The following TBC1D19 variants were observed in gnomAD, a reference collection of about 807,000 sequenced individuals.
TBC1D19 encodes TBC1 domain family member 19, also known as TBC1 domain family, member 19.
Under a neutral mutation model 89.0 loss-of-function variants are expected in TBC1D19, and 60 were observed. That is an observed-to-expected ratio of 0.67 (90% confidence interval 0.55 to 0.84). The LOEUF (loss-of-function observed/expected upper bound fraction) is 0.84, where lower values mean the gene tolerates loss of function less well. Ranked by LOEUF, TBC1D19 falls within the 40% of genes least tolerant of loss-of-function variation. TBC1D19 has a pLI of 0.00. For synonymous variants in TBC1D19, 189 were observed against 199.7 expected, an observed-to-expected ratio of 0.95 and a Z score of 0.45; for missense variants, 500 against 610.8, an observed-to-expected ratio of 0.82 and a Z score of 1.91.
At chr4:26,671,167 G>A (rs1409393378) in intron 9 of TBC1D19, among the ~76,000 whole-genome samples, 1 of 151,600 alleles carries the variant, frequency 6.6e-6, no homozygotes, top group African/African-American at 2.4e-5. Context: ...CACTAGCTTT[G>A]TATGAGAAAT....
At chr4:26,598,250 T>G (rs1416875991) in intron 1 of TBC1D19, among the ~76,000 whole-genome samples, 1 of 152,236 alleles carries the variant, frequency 6.6e-6, no homozygotes. Flanking sequence ...TATTATTTTT[T>G]AAATTATAGA....
At chr4:26,652,191 C>T (rs1402142528) in intron 7 of TBC1D19, among the ~76,000 whole-genome samples, 1 of 152,068 alleles carries the variant, frequency 6.6e-6, no homozygotes, top group Non-Finnish European at 1.5e-5. Flanking sequence ...TGTTGTGTCT[C>T]TGCCAGGCTT....
At chr4:26,779,144 C>G in the TBC1D19 span, among the ~76,000 whole-genome samples, 4 of 152,210 alleles carry the variant, frequency 2.6e-5, no homozygotes, top group East Asian at 7.7e-4. Context: ...TTCTTCATTT[C>G]TAACAAGTTC....
chr4:26,831,747 C>T, the TBC1D19 span, among the ~76,000 whole-genome samples: 80 of 151,956 alleles, frequency 5.3e-4, 1 homozygote, highest in African/African-American at 1.5e-3. Context: ...CATGCCACCA[C>T]GCCTGGCTAA....
At chr4:26,710,830 T>C (rs1158106723) in intron 13 of TBC1D19, among the ~76,000 whole-genome samples, 1 of 152,202 alleles carries the variant, frequency 6.6e-6, no homozygotes, top group African/African-American at 2.4e-5. Flanking sequence ...ATGTCTTCTT[T>C]TGAGAAGTGT....
At chr4:26,648,461 A>G (rs1482396439) in intron 7 of TBC1D19, among the ~76,000 whole-genome samples, 1 of 152,208 alleles carries the variant, frequency 6.6e-6, no homozygotes, top group African/African-American at 2.4e-5. Flanking sequence ...ACTTCCAGGT[A>G]TTTCTGGAGA....
intron 10 of TBC1D19, among the ~76,000 whole-genome samples, chr4:26,672,510 G>T (rs544222271): frequency 6.6e-4 from 101 of 151,960 alleles, no homozygotes; most frequent in Admixed American, 5.9e-4. Flanking sequence ...GGCAGGTTCT[G>T]TCTTTGATGC....
At chr4:26,636,884 T>A (rs555200830) in intron 4 of TBC1D19, among the ~76,000 whole-genome samples, 10 of 152,294 alleles carry the variant, frequency 6.6e-5, no homozygotes, top group African/African-American at 2.4e-4. Context: ...ATTTAACTTA[T>A]CTTTTTATCT....
the TBC1D19 span, among the ~76,000 whole-genome samples, chr4:26,800,496 T>C: frequency 6.6e-6 from 1 of 152,174 alleles, no homozygotes; most frequent in African/African-American, 2.4e-5. Flanking sequence ...AGCAGCATGA[T>C]TTATAATCCT....
the TBC1D19 span, among the ~76,000 whole-genome samples, chr4:26,794,192 A>T: frequency 0.021 from 3,244 of 152,294 alleles, 104 homozygotes; most frequent in African/African-American, 0.07. Flanking sequence ...AAAGAAAAAA[A>T]TTCTTATTTT....
chr4:26,621,454 A>T (rs1353019599), intron 4 of TBC1D19, among the ~76,000 whole-genome samples: 1 of 152,184 alleles, frequency 6.6e-6, no homozygotes, highest in Non-Finnish European at 1.5e-5. Context: ...ATGGATTTTT[A>T]AAACCTTTTT....
chr4:26,671,242 TGTG>T (rs1286630058), intron 9 of TBC1D19, among the ~76,000 whole-genome samples: 1 of 151,778 alleles, frequency 6.6e-6, no homozygotes, highest in African/African-American at 2.4e-5. Context: ...TTGTGGTGGT[TGTG>T]TATTTCATAG....
chr4:26,637,149 A>AT (rs1319518555), intron 4 of TBC1D19, 62 bp from the exon 5 acceptor site: 12 of 1,191,912 alleles, frequency 1.0e-5, no homozygotes, highest in East Asian at 1.0e-4. Flanking sequence ...AATATCTTTA[A>AT]TTTTTTTATT....
At chr4:26,726,300 T>C (rs2109284584) in intron 15 of TBC1D19, among the ~76,000 whole-genome samples, 1 of 152,266 alleles carries the variant, frequency 6.6e-6, no homozygotes, top group Non-Finnish European at 1.5e-5. Flanking sequence ...ATAAGGCTCT[T>C]AGAAGAAAAA....
intron 14 of TBC1D19, among the ~76,000 whole-genome samples, chr4:26,719,082 CACTT>C (rs961802723): frequency 2.6e-5 from 4 of 152,066 alleles, no homozygotes; most frequent in Admixed American, 6.6e-5. Context: ...AACTTCTAAA[CACTT>C]AAAGTCTGTG....
chr4:26,602,040 C>G (rs1404757556), intron 1 of TBC1D19, among the ~76,000 whole-genome samples: 1 of 152,172 alleles, frequency 6.6e-6, no homozygotes, highest in Non-Finnish European at 1.5e-5. Context: ...TCCCAGAGAA[C>G]AAGGACAATG....
chr4:26,706,008 C>G (rs1194529916), intron 13 of TBC1D19, among the ~76,000 whole-genome samples: 1 of 152,082 alleles, frequency 6.6e-6, no homozygotes, highest in Admixed American at 6.6e-5. Flanking sequence ...GGACTCCTGG[C>G]CTCAAGCAAT....
intron 13 of TBC1D19, among the ~76,000 whole-genome samples, chr4:26,690,444 A>G (rs1168934429): frequency 6.6e-6 from 1 of 152,248 alleles, no homozygotes; most frequent in African/African-American, 2.4e-5. Flanking sequence ...TAGAACTTTC[A>G]TAGCTAGAGA....
chr4:26,834,524 T>C, the TBC1D19 span, among the ~76,000 whole-genome samples: 4 of 151,920 alleles, frequency 2.6e-5, no homozygotes, highest in Non-Finnish European at 4.4e-5. Context: ...AAGACAATCG[T>C]CAATCTGGGC....
Sources: allele counts gnomAD v4.1 joint callset (sites outside exome capture counted in the v4.1 genomes callset), GRCh38; gene constraint gnomAD v4.1.1; transcripts MANE v1.5; gene names NCBI Gene and HGNC (gene_info 2026-07-23, HGNC 2026-07-21).